The following KLHL20 variants were observed in gnomAD, a reference collection of about 807,000 sequenced individuals.
KLHL20 encodes kelch like family member 20.
Under a neutral mutation model 69.5 loss-of-function variants are expected in KLHL20, and 29 were observed. The observed-to-expected ratio is 0.42, with a 90% CI of 0.31 to 0.57. KLHL20 has a LOEUF of 0.57. KLHL20 is among the 20% of genes least tolerant of loss of function. KLHL20 has a pLI of 0.18. For missense variants in KLHL20, 419 were observed against 776.0 expected, an observed-to-expected ratio of 0.54 and a Z score of 5.47; for synonymous variants, 253 against 265.2, an observed-to-expected ratio of 0.95 and a Z score of 0.45.
chr1:173,765,360 G>A (rs1372349937), intron 7 of KLHL20, among the ~76,000 whole-genome samples: 1 of 152,116 alleles, frequency 6.6e-6, no homozygotes, highest in Non-Finnish European at 1.5e-5. Context: ...AAAAAGAGAC[G>A]GGTGTGGTGG....
chr1:173,774,199 T>C, intron 8 of KLHL20, 106 bp from the exon 9 acceptor site: 1 of 1,295,058 alleles, frequency 7.7e-7, no homozygotes, highest in Non-Finnish European at 1.1e-6. Context: ...CACATTTGAC[T>C]ATAGCAAGTC....
At chr1:173,745,325 G>C (rs916358296) in intron 3 of KLHL20, among the ~76,000 whole-genome samples, 13 of 151,292 alleles carry the variant, frequency 8.6e-5, no homozygotes, top group African/African-American at 3.2e-4. Flanking sequence ...ACCAGGCCTG[G>C]CTAATTTTTG....
chr1:173,749,839 T>C (rs916895162), intron 3 of KLHL20, among the ~76,000 whole-genome samples: 1 of 151,818 alleles, frequency 6.6e-6, no homozygotes. Context: ...CAGAGAAAAA[T>C]AAGAGGAAAG....
chr1:173,768,653 AC>A (rs1162977900), intron 8 of KLHL20, among the ~76,000 whole-genome samples: 1 of 152,228 alleles, frequency 6.6e-6, no homozygotes, highest in Non-Finnish European at 1.5e-5. Flanking sequence ...AAACCTATGT[AC>A]TAGTTCTGGA....
chr1:173,749,817 G>A (rs190806359), intron 3 of KLHL20, among the ~76,000 whole-genome samples: 106 of 152,196 alleles, frequency 7.0e-4, no homozygotes, highest in African/African-American at 2.6e-3. Flanking sequence ...CCATACTTAA[G>A]TGAAGAAATC....
Position 173,733,834 on chromosome 1 carries a change from A to G in KLHL20, c.145A>G (p.Lys49Glu). Residue 49 changes from lysine to glutamate, a missense_variant, in exon 3 of 12, where the codon AAG becomes GAG. Coordinates refer to ENST00000209884, the MANE Select transcript of KLHL20 (RefSeq NM_014458.4). ...TGCCCGCATGCCCTATATCTCAGAC[A>G]AGCACCCTCGACAAACCTTGGAAGT... is the stretch of plus-strand genomic sequence containing the variant. ...QPARMPYISDKHPRQTLEVIN... is the reference protein window; with the variant it reads ...QPARMPYISDEHPRQTLEVIN... 5 of 1,614,066 alleles carry G rather than the reference A, an allele frequency of 3.1e-6. No individual in the cohort carries two copies. The highest frequency in any genetic ancestry group is 4.2e-6 in the Non-Finnish European group (5 of 1,180,016).
At chr1:173,751,429 G>A (rs1043058015) in intron 3 of KLHL20, among the ~76,000 whole-genome samples, 4 of 152,016 alleles carry the variant, frequency 2.6e-5, no homozygotes, top group Non-Finnish European at 2.9e-5. Context: ...TCTTCTGCAA[G>A]CTTTTTCTGA....
intron 9 of KLHL20, among the ~76,000 whole-genome samples, chr1:173,774,806 G>A (rs1648347722): frequency 6.6e-6 from 1 of 151,932 alleles, no homozygotes; most frequent in African/African-American, 2.4e-5. Context: ...GTTTATTTGG[G>A]TTTTGTTTTT....
chr1:173,765,964 TCATA>T (rs1252268839), intron 7 of KLHL20, among the ~76,000 whole-genome samples, 178 bp from the exon 8 acceptor site: 3 of 152,146 alleles, frequency 2.0e-5, no homozygotes, highest in South Asian at 2.1e-4. Flanking sequence ...GAAAATATAT[TCATA>T]CATAAATTTC....
chr1:173,746,288 A>C (rs1673055625), intron 3 of KLHL20, among the ~76,000 whole-genome samples: 1 of 152,196 alleles, frequency 6.6e-6, no homozygotes, highest in South Asian at 2.1e-4. Context: ...ATTATACTTC[A>C]TGAAAATGAG....
chr1:173,751,986 C>G, intron 4 of KLHL20, 64 bp downstream of exon 4: 1 of 1,518,250 alleles, frequency 6.6e-7, no homozygotes, highest in Non-Finnish European at 9.0e-7. Context: ...GACTGTAATC[C>G]CAGCACTTTG....
At chr1:173,751,289 AGT>A (rs1673300841) in intron 3 of KLHL20, among the ~76,000 whole-genome samples, 1 of 152,144 alleles carries the variant, frequency 6.6e-6, no homozygotes, top group African/African-American at 2.4e-5. Flanking sequence ...TGATCGTCAG[AGT>A]TTTTTCACTG....
chr1:173,784,670 T>C (rs910499059), intron 11 of KLHL20, among the ~76,000 whole-genome samples: 4 of 152,232 alleles, frequency 2.6e-5, no homozygotes, highest in Non-Finnish European at 4.4e-5. Flanking sequence ...AACTAGATGC[T>C]GACTTTACTC....
chr1:173,748,996 T>C (rs777088205), intron 3 of KLHL20, among the ~76,000 whole-genome samples: 17 of 152,182 alleles, frequency 1.1e-4, no homozygotes, highest in Admixed American at 9.8e-4. Flanking sequence ...CTTCTAGTTC[T>C]AATCCTTCCT....
chr1:173,716,210 TAAG>T (rs1671465207), intron 2 of KLHL20, 144 bp downstream of exon 2: 1 of 708,826 alleles, frequency 1.4e-6, no homozygotes, highest in Non-Finnish European at 2.3e-6. Flanking sequence ...AAAGTAATAT[TAAG>T]AATTAATAGC....
intron 11 of KLHL20, 131 bp downstream of exon 11, chr1:173,782,361 T>C: frequency 1.8e-6 from 1 of 558,500 alleles, no homozygotes; most frequent in Non-Finnish European, 3.1e-6. Flanking sequence ...AAGTTACACA[T>C]ATTTATGGCT....
chr1:173,716,382 A>G (rs1240000761), intron 2 of KLHL20, among the ~76,000 whole-genome samples: 1 of 152,154 alleles, frequency 6.6e-6, no homozygotes, highest in African/African-American at 2.4e-5. Context: ...TCAGTTCCCT[A>G]TAAAATGTAG....
intron 2 of KLHL20, among the ~76,000 whole-genome samples, chr1:173,717,387 A>G (rs1323223015): frequency 2.0e-5 from 3 of 152,186 alleles, no homozygotes; most frequent in East Asian, 1.9e-4. Flanking sequence ...GGATAATTCT[A>G]GTGCTGTTAA....
intron 6 of KLHL20, 116 bp from the exon 7 acceptor site, chr1:173,756,860 C>T (rs1024497393): frequency 1.1e-5 from 9 of 848,590 alleles, no homozygotes; most frequent in East Asian, 1.0e-4. Context: ...GCATTTTGAC[C>T]TACTACTAGA....
Sources: gnomAD v4.1 joint callset for allele counts (sites outside exome capture counted in the v4.1 genomes callset) on GRCh38, gnomAD v4.1.1 for gene constraint, MANE v1.5 for transcripts, NCBI Gene and HGNC (gene_info 2026-07-23, HGNC 2026-07-21) for gene names.